Variants in CTNNA2 observed in about 807,000 individuals in gnomAD.
The protein encoded by CTNNA2 is catenin alpha-2.
CTNNA2 carries 42 observed loss-of-function variants against 101.0 expected under a neutral mutation model. The ratio of observed to expected loss-of-function variants is 0.42; its 90% CI spans 0.32 to 0.54. The LOEUF (loss-of-function observed/expected upper bound fraction) is 0.54. CTNNA2 is among the 20% of genes least tolerant of loss of function. The pLI is 0.14. For missense variants in CTNNA2, 871 were observed against 1,223.1 expected, an observed-to-expected ratio of 0.71 and a Z score of 4.29; for synonymous variants, 450 against 456.4, an observed-to-expected ratio of 0.99 and a Z score of 0.18.
intron 1 of CTNNA2, among the ~76,000 whole-genome samples, chr2:79,646,524 C>CTTTTTTT (rs67454188): frequency 1.9e-5 from 2 of 106,140 alleles, no homozygotes; most frequent in African/African-American, 7.2e-5. Flanking sequence ...TTCTTTCTGT[C>CTTTTTTT]TTTTTTTTTT....
At chr2:80,116,641 C>A (rs1335319388) in intron 7 of CTNNA2, among the ~76,000 whole-genome samples, 2 of 152,060 alleles carry the variant, frequency 1.3e-5, no homozygotes, top group Non-Finnish European at 2.9e-5. Context: ...GAGAAGAGAG[C>A]ACCCTTGGGT....
rs75015410 is a variant in CTNNA2, at chr2:79,989,020, T to C, written c.1056+79223T>C. Among the ~76,000 whole-genome samples, 696 of 152,312 alleles carry C rather than the reference T, an allele frequency of 4.6e-3. 2 individuals are homozygous for C. Among genetic ancestry groups the C allele is most frequent in the African/African-American group, 0.014 (596 of 41,562 alleles). On this transcript the variant is annotated intron_variant, in intron 7 of 18. Coordinates refer to ENST00000402739, the MANE Select transcript of CTNNA2 (RefSeq NM_001282597.3). ...CATTGTTTGGTTAATGTCTGATGGA[T>C]TGACATTTTTCCAGTATGTTGGATA...
At chr2:79,416,257 CTTTTTTTTTTTTTTTTT>C (rs66830925) in intron 4 of CTNNA2, among the ~76,000 whole-genome samples, 1 of 94,656 alleles carries the variant, frequency 1.1e-5, no homozygotes, top group Non-Finnish European at 2.1e-5. Flanking sequence ...CTTTCCTTTT[CTTTTTTTTTTTTTTTTT>C]TTTTTTTGGC....
chr2:79,957,069 A>G (rs577566878), intron 7 of CTNNA2, among the ~76,000 whole-genome samples: 4,015 of 152,146 alleles, frequency 0.026, 87 homozygotes, highest in Middle Eastern at 0.065. Flanking sequence ...TCAGTGATAG[A>G]GAAGCCCCTG....
Position 80,129,448 on chromosome 2 carries a change from C to T in CTNNA2, c.1056+219651C>T, listed in dbSNP as rs116205771. ...GAGTAAGACACCTTCATGGTCATCA[C>T]GGGTGTTACTGATACCTCCTATCCT... On this transcript the variant is annotated intron_variant, in intron 7 of 18. Transcript: ENST00000402739. 2.7e-3 allele frequency among the ~76,000 whole-genome samples: 416 copies of T among 152,226 alleles called. 1 individual carries two copies. Among genetic ancestry groups the T allele is most frequent in the African/African-American group, 9.5e-3 (396 of 41,548 alleles).
intron 7 of CTNNA2, among the ~76,000 whole-genome samples, chr2:80,075,712 TAAAA>T (rs534637538): frequency 1.4e-5 from 1 of 73,276 alleles, no homozygotes; most frequent in Non-Finnish European, 2.4e-5. Flanking sequence ...ATAAATATTA[TAAAA>T]ATAATATTTA....
At chr2:80,552,576 G>T (rs541529560) in intron 11 of CTNNA2, among the ~76,000 whole-genome samples, 8 of 152,206 alleles carry the variant, frequency 5.3e-5, no homozygotes, top group African/African-American at 1.7e-4. Context: ...TTGACGACAG[G>T]CATATGTTCT....
intron 18 of CTNNA2, among the ~76,000 whole-genome samples, chr2:80,639,589 C>G (rs1558669656): frequency 6.6e-6 from 1 of 151,728 alleles, no homozygotes; most frequent in African/African-American, 2.4e-5. Flanking sequence ...TCACTTTTAC[C>G]TCTAACACCA....
rs1696249703 is a variant in CTNNA2, at chr2:80,589,496, G to C, written c.2189+11G>C. The C allele has an allele frequency of 1.2e-6, 2 of 1,609,142 alleles. No homozygotes were observed. Among genetic ancestry groups the C allele is most frequent in the African/African-American group, 1.3e-5 (1 of 74,854 alleles). ...GACAGACTTCACAAGGTGAGGCCCA[G>C]AGCCAGGGAGCTGAAGATTTTTTCA... is the stretch of plus-strand genomic sequence containing the variant. On this transcript the variant is annotated intron_variant, in intron 15 of 18. Transcript: ENST00000402739.
intron 1 of CTNNA2, among the ~76,000 whole-genome samples, chr2:79,601,930 G>T (rs2104089761): frequency 6.6e-6 from 1 of 152,294 alleles, no homozygotes; most frequent in South Asian, 2.1e-4. Context: ...CCTTAAACAT[G>T]CTCAGAACAC....
At chr2:79,457,040 A>G (rs957938605) in intron 4 of CTNNA2, among the ~76,000 whole-genome samples, 5 of 151,616 alleles carry the variant, frequency 3.3e-5, no homozygotes, top group African/African-American at 1.2e-4. Context: ...TCACTACTAA[A>G]ATACAAAAAA....
intron 3 of CTNNA2, among the ~76,000 whole-genome samples, chr2:79,826,047 A>C (rs1678412468): frequency 6.6e-6 from 1 of 152,228 alleles, no homozygotes; most frequent in South Asian, 2.1e-4. Context: ...TAAATACGAA[A>C]AGAAGTACCT....
At chr2:80,172,617 G>T (rs577184736) in intron 7 of CTNNA2, among the ~76,000 whole-genome samples, 2 of 152,182 alleles carry the variant, frequency 1.3e-5, no homozygotes, top group Admixed American at 1.3e-4. Flanking sequence ...CATAAACTGG[G>T]TGGCTTAAAC....
At chr2:79,536,784 C>T (rs1673100594) in intron 1 of CTNNA2, among the ~76,000 whole-genome samples, 1 of 133,772 alleles carries the variant, frequency 7.5e-6, no homozygotes, top group African/African-American at 2.5e-5. Flanking sequence ...TCACTGCAAC[C>T]TCTACCCCCC....
At chr2:80,256,992 C>T (rs1672215969) in intron 7 of CTNNA2, among the ~76,000 whole-genome samples, 1 of 152,104 alleles carries the variant, frequency 6.6e-6, no homozygotes, top group African/African-American at 2.4e-5. Flanking sequence ...GAAGGATGAC[C>T]TCACTTTAAC....
intron 9 of CTNNA2, among the ~76,000 whole-genome samples, chr2:80,464,321 A>T (rs1052083393): frequency 5.3e-5 from 8 of 152,186 alleles, no homozygotes; most frequent in African/African-American, 1.4e-4. Context: ...TCATGGTACC[A>T]GGTTTTCTAT....
chr2:79,621,099 G>T (rs1370179238), intron 1 of CTNNA2, among the ~76,000 whole-genome samples: 1 of 152,148 alleles, frequency 6.6e-6, no homozygotes, highest in Non-Finnish European at 1.5e-5. Context: ...GGTAAAAGTG[G>T]CTACTGTGGT....
chr2:79,838,798 A>G (rs919778439), intron 3 of CTNNA2, among the ~76,000 whole-genome samples: 5 of 152,068 alleles, frequency 3.3e-5, no homozygotes. Flanking sequence ...AGTACTTTAC[A>G]TGAATTCCGT....
At chr2:79,300,910 T>C (rs1676093333) in intron 2 of CTNNA2, among the ~76,000 whole-genome samples, 1 of 152,164 alleles carries the variant, frequency 6.6e-6, no homozygotes, top group Admixed American at 6.5e-5. Flanking sequence ...TCATCTTGCC[T>C]CTCCAGGTGT....
Sources: allele counts gnomAD v4.1 joint callset (sites outside exome capture counted in the v4.1 genomes callset), GRCh38; gene constraint gnomAD v4.1.1; transcripts MANE v1.5; gene names NCBI Gene and HGNC (gene_info 2026-07-23, HGNC 2026-07-21).